TRAF3: variants seen among roughly 807,000 people sequenced by gnomAD.
The protein encoded by TRAF3 is TNF receptor associated factor 3, also known as TNF receptor-associated factor 3.
In TRAF3, 13 loss-of-function variants were observed where a neutral mutation model predicts 62.3. That is an observed-to-expected ratio of 0.21 (90% confidence interval 0.14 to 0.33). TRAF3 has a LOEUF of 0.33. TRAF3 is among the 10% of genes least tolerant of loss of function. TRAF3 has a pLI of 1.00. For missense variants in TRAF3, 440 were observed against 741.8 expected, an observed-to-expected ratio of 0.59 and a Z score of 4.73; for synonymous variants, 269 against 283.4, an observed-to-expected ratio of 0.95 and a Z score of 0.51.
At chr14:102,828,759 G>A (rs1900476795) in intron 1 of TRAF3, among the ~76,000 whole-genome samples, 1 of 152,094 alleles carries the variant, frequency 6.6e-6, no homozygotes, top group Non-Finnish European at 1.5e-5. Context: ...ATCTTATTTA[G>A]TCTTGACAAA....
chr14:102,804,033 G>A (rs1045297636), intron 1 of TRAF3, among the ~76,000 whole-genome samples: 5 of 151,990 alleles, frequency 3.3e-5, no homozygotes, highest in Non-Finnish European at 5.9e-5. Flanking sequence ...GGGCATGTTA[G>A]TGTGCGCCTG....
At chr14:102,822,546 GGTTAA>G (rs1466615051) in intron 1 of TRAF3, among the ~76,000 whole-genome samples, 4 of 152,124 alleles carry the variant, frequency 2.6e-5, no homozygotes, top group Admixed American at 2.0e-4. Context: ...TCTTGATTTT[GGTTAA>G]GTTAACAGGA....
intron 2 of TRAF3, among the ~76,000 whole-genome samples, chr14:102,861,427 G>A (rs1346641804): frequency 2.0e-5 from 3 of 152,142 alleles, no homozygotes; most frequent in Admixed American, 6.5e-5. Flanking sequence ...TCAGTCAAGC[G>A]TGCTTGCCTT....
At chr14:102,882,081 A>G (rs1017644977) in intron 6 of TRAF3, among the ~76,000 whole-genome samples, 5 of 152,214 alleles carry the variant, frequency 3.3e-5, no homozygotes, top group African/African-American at 1.2e-4. Context: ...AAGTACTGGG[A>G]CTGTAATATT....
At chr14:102,844,917 A>AGAC (rs1301425854) in intron 2 of TRAF3, among the ~76,000 whole-genome samples, 1 of 150,816 alleles carries the variant, frequency 6.6e-6, no homozygotes, top group Non-Finnish European at 1.5e-5. Context: ...GTTTTTTTTG[A>AGAC]GACGGAGTCT....
intron 9 of TRAF3, among the ~76,000 whole-genome samples, chr14:102,897,017 T>C (rs1285501187): frequency 6.6e-6 from 1 of 152,028 alleles, no homozygotes; most frequent in Non-Finnish European, 1.5e-5. Flanking sequence ...AAGGCTGCAG[T>C]GAGCTATGAT....
intron 1 of TRAF3, among the ~76,000 whole-genome samples, chr14:102,829,343 C>T (rs1900520146): frequency 6.6e-6 from 1 of 152,222 alleles, no homozygotes; most frequent in Non-Finnish European, 1.5e-5. Flanking sequence ...ATATGAAGCA[C>T]ATCCTTTCTC....
chr14:102,854,131 T>C (rs943630477), intron 2 of TRAF3, among the ~76,000 whole-genome samples: 7 of 152,228 alleles, frequency 4.6e-5, no homozygotes, highest in African/African-American at 7.2e-5. Flanking sequence ...TTTTTTTTTA[T>C]GCCTAAGTAA....
intron 6 of TRAF3, among the ~76,000 whole-genome samples, chr14:102,883,525 A>T (rs1411918896): frequency 6.6e-6 from 1 of 152,110 alleles, no homozygotes; most frequent in Non-Finnish European, 1.5e-5. Context: ...GTTATCAGTC[A>T]TGCTCTTGGA....
At chr14:102,807,335 T>C (rs1453146920) in intron 1 of TRAF3, among the ~76,000 whole-genome samples, 2 of 152,188 alleles carry the variant, frequency 1.3e-5, no homozygotes, top group Non-Finnish European at 2.9e-5. Context: ...CCTGCTGCCT[T>C]GTCCTCCTTT....
chr14:102,816,137 C>G (rs1224572668), intron 1 of TRAF3, among the ~76,000 whole-genome samples: 1 of 151,614 alleles, frequency 6.6e-6, no homozygotes, highest in Non-Finnish European at 1.5e-5. Context: ...GGGTCTCACT[C>G]TGTTGCCCAG....
chr14:102,849,466 A>T (rs1449289544), intron 2 of TRAF3, among the ~76,000 whole-genome samples: 1 of 152,262 alleles, frequency 6.6e-6, no homozygotes, highest in East Asian at 1.9e-4. Flanking sequence ...AATACTTTTT[A>T]AAAATCCTAA....
intron 1 of TRAF3, among the ~76,000 whole-genome samples, chr14:102,795,680 G>A (rs1431826551): frequency 6.6e-6 from 1 of 150,976 alleles, no homozygotes; most frequent in Non-Finnish European, 1.5e-5. Context: ...ACAGTCTTTT[G>A]TTGTAATGTT....
intron 2 of TRAF3, among the ~76,000 whole-genome samples, chr14:102,855,832 C>T (rs910490191): frequency 2.8e-4 from 43 of 151,394 alleles, no homozygotes; most frequent in Admixed American, 7.9e-4. Flanking sequence ...TGGCTCATGC[C>T]TGTAATTCCA....
intron 1 of TRAF3, among the ~76,000 whole-genome samples, chr14:102,787,140 T>C (rs1023544235): frequency 6.6e-6 from 1 of 152,190 alleles, no homozygotes; most frequent in African/African-American, 2.4e-5. Flanking sequence ...GATGACAGGC[T>C]GTCTTGGAAG....
intron 1 of TRAF3, among the ~76,000 whole-genome samples, chr14:102,805,616 G>T (rs746114555): frequency 6.6e-6 from 1 of 152,186 alleles, no homozygotes; most frequent in African/African-American, 2.4e-5. Context: ...GGGAGCCCCT[G>T]CCTGCAGCCA....
intron 1 of TRAF3, among the ~76,000 whole-genome samples, chr14:102,807,787 C>T (rs1898862730): frequency 6.6e-6 from 1 of 152,156 alleles, no homozygotes; most frequent in African/African-American, 2.4e-5. Context: ...GGCAAATGTT[C>T]CACCCTGTTT....
intron 1 of TRAF3, among the ~76,000 whole-genome samples, chr14:102,794,143 A>G (rs1897947098): frequency 6.6e-6 from 1 of 151,318 alleles, no homozygotes; most frequent in Non-Finnish European, 1.5e-5. Context: ...GTTCTAGGAG[A>G]GGAAGTGGAA....
chr14:102,818,354 TCTTCAGC>T (rs1899667716), intron 1 of TRAF3, among the ~76,000 whole-genome samples: 1 of 152,224 alleles, frequency 6.6e-6, no homozygotes, highest in Admixed American at 6.5e-5. Flanking sequence ...CCATTAAAGT[TCTTCAGC>T]CTTCTTAGTA....
Sources: allele counts gnomAD v4.1 joint callset (sites outside exome capture counted in the v4.1 genomes callset), GRCh38; gene constraint gnomAD v4.1.1; transcripts MANE v1.5; gene names NCBI Gene and HGNC (gene_info 2026-07-23, HGNC 2026-07-21).